Variants in HYAL4 observed in about 807,000 individuals in gnomAD.
The protein encoded by HYAL4 is hyaluronidase 4, also known as hyaluronidase-4.
In HYAL4, 37 loss-of-function variants were observed where a neutral mutation model predicts 35.2. The ratio of observed to expected loss-of-function variants is 1.05; its 90% CI spans 0.81 to 1.38. HYAL4 has a LOEUF of 1.38. HYAL4 is among the 40% of genes most tolerant of loss of function. The pLI is 0.00. For missense variants in HYAL4, 572 were observed against 572.4 expected (o/e 1.00, Z 0.01); for synonymous variants, 198 against 203.2 (o/e 0.97, Z 0.22).
intron 4 of HYAL4, chr7:123,876,165 T>C: frequency 4.9e-6 from 2 of 405,594 alleles, no homozygotes; most frequent in Non-Finnish European, 4.8e-6. Context: ...TAGGTTTTCA[T>C]GTGTTTGAAT....
At chr7:123,788,953 C>T in the HYAL4 span, among the ~76,000 whole-genome samples, 1 of 152,174 alleles carries the variant, frequency 6.6e-6, no homozygotes, top group Non-Finnish European at 1.5e-5. Context: ...TAAATATTCA[C>T]CACGAGACCA....
the HYAL4 span, among the ~76,000 whole-genome samples, chr7:123,808,036 A>G: frequency 1.3e-5 from 2 of 151,186 alleles, no homozygotes; most frequent in African/African-American, 2.4e-5. Flanking sequence ...CGGCCCCCCA[A>G]AGTGGTGTGA....
At chr7:123,806,450 CT>C in the HYAL4 span, among the ~76,000 whole-genome samples, 4 of 147,516 alleles carry the variant, frequency 2.7e-5, no homozygotes, top group South Asian at 2.2e-4. Flanking sequence ...TCTTGCTTTC[CT>C]TTTTTTTTTG....
At position 123,859,771 on chromosome 7, in the gene HYAL4, T is replaced by TAA. The variant is rs529925813; in HGVS notation, c.-51-8449_-51-8448dup. On this transcript the variant is annotated intron_variant, in intron 2 of 4. Coordinates refer to ENST00000223026, the MANE Select transcript of HYAL4 (RefSeq NM_012269.3). ...ATATATCCAAAGAACTTTGAGTTTTTAAAATCAGATTGATGGTTTTGAGTT... is the reference window on the plus strand; with the variant it reads ...ATATATCCAAAGAACTTTGAGTTTTTAAAAAATCAGATTGATGGTTTTGAGTT... Among the ~76,000 whole-genome samples the TAA allele has an allele frequency of 1.2e-4, 18 of 152,360 alleles. 1 individual carries two copies. The East Asian group carries it at 3.5e-3, about 29-fold the overall frequency.
the HYAL4 span, among the ~76,000 whole-genome samples, chr7:123,767,162 G>C: frequency 6.6e-6 from 1 of 152,000 alleles, no homozygotes; most frequent in South Asian, 2.1e-4. Flanking sequence ...TTAACTTTTA[G>C]GATTGGCTTA....
At chr7:123,768,247 AT>A in the HYAL4 span, among the ~76,000 whole-genome samples, 1 of 152,260 alleles carries the variant, frequency 6.6e-6, no homozygotes, top group Non-Finnish European at 1.5e-5. Flanking sequence ...AACATTTACA[AT>A]CAAATTGCCA....
At chr7:123,779,912 AT>A in the HYAL4 span, among the ~76,000 whole-genome samples, 1 of 152,196 alleles carries the variant, frequency 6.6e-6, no homozygotes, top group Non-Finnish European at 1.5e-5. Context: ...AATTAAAAAA[AT>A]AAACACATCA....
the HYAL4 span, among the ~76,000 whole-genome samples, chr7:123,771,908 G>C: frequency 2.7e-5 from 4 of 150,842 alleles, no homozygotes; most frequent in Non-Finnish European, 5.9e-5. Flanking sequence ...CATATAAACT[G>C]TTGCGGGTCT....
intron 3 of HYAL4, among the ~76,000 whole-genome samples, chr7:123,871,111 C>T (rs559756156): frequency 7.6e-4 from 115 of 151,940 alleles, no homozygotes; most frequent in African/African-American, 2.5e-3. Context: ...TCTTTTTTTC[C>T]GAGTGGCAAG....
At chr7:123,861,055 T>G (rs1339663274) in intron 2 of HYAL4, among the ~76,000 whole-genome samples, 2 of 152,156 alleles carry the variant, frequency 1.3e-5, no homozygotes, top group African/African-American at 4.8e-5. Flanking sequence ...CTCTCAAATG[T>G]TTGCCTTTCC....
At chr7:123,842,293 G>T (rs1281987305), upstream of HYAL4, among the ~76,000 whole-genome samples, 4 of 152,036 alleles carry the variant, frequency 2.6e-5, no homozygotes, top group African/African-American at 4.8e-5. Flanking sequence ...CAGTTTCCAT[G>T]TAGTAGTGCG....
the HYAL4 span, among the ~76,000 whole-genome samples, chr7:123,770,565 G>A: frequency 6.6e-6 from 1 of 152,208 alleles, no homozygotes; most frequent in East Asian, 1.9e-4. Context: ...TGAGTGGACA[G>A]TGTGAACAAA....
rs183536789 is a variant in HYAL4 at position 123,847,097 on chromosome 7, G to A, written c.-121-992G>A. 1.1e-4 allele frequency among the ~76,000 whole-genome samples: 17 copies of A among 152,262 alleles called. No homozygotes were observed. The East Asian group carries it at 2.5e-3, about 22-fold the overall frequency. ...TAGTTCTGGAGCAAAAGTTCACAAC[G>A]TGAGTCTCCATACATTGCTCTGTCT... On this transcript the variant is annotated intron_variant, in intron 1 of 4. Coordinates refer to ENST00000223026, the MANE Select transcript of HYAL4 (RefSeq NM_012269.3).
intron 1 of HYAL4, among the ~76,000 whole-genome samples, chr7:123,830,744 C>T (rs1376141684): frequency 6.6e-6 from 1 of 152,146 alleles, no homozygotes; most frequent in Non-Finnish European, 1.5e-5. Flanking sequence ...ACATTCTTTA[C>T]AAAGTCTTTT....
At chr7:123,826,795 G>A (rs373314192), upstream of HYAL4, among the ~76,000 whole-genome samples, 7 of 152,222 alleles carry the variant, frequency 4.6e-5, 1 homozygote, top group Admixed American at 1.3e-4. Context: ...AGCTAGTAGT[G>A]ATCTGAAACA....
At chr7:123,787,185 C>G in the HYAL4 span, among the ~76,000 whole-genome samples, 34 of 151,786 alleles carry the variant, frequency 2.2e-4, 1 homozygote, top group South Asian at 7.1e-3. Context: ...GTATCTCACT[C>G]TGAACTTCCT....
At chr7:123,789,076 G>A in the HYAL4 span, among the ~76,000 whole-genome samples, 1 of 152,176 alleles carries the variant, frequency 6.6e-6, no homozygotes, top group African/African-American at 2.4e-5. Context: ...ACCCATGAAG[G>A]TGTATTTATC....
At chr7:123,861,155 G>GGCCT (rs1806567900) in intron 2 of HYAL4, among the ~76,000 whole-genome samples, 1 of 152,072 alleles carries the variant, frequency 6.6e-6, no homozygotes, top group African/African-American at 2.4e-5. Flanking sequence ...CTGGTCCTCA[G>GGCCT]GCCTGAGGTT....
the HYAL4 span, among the ~76,000 whole-genome samples, chr7:123,777,354 G>A: frequency 6.6e-6 from 1 of 151,492 alleles, no homozygotes; most frequent in African/African-American, 2.4e-5. Flanking sequence ...ATAATGTCTT[G>A]GATATATTGG....
Sources: gnomAD v4.1 joint callset for allele counts (sites outside exome capture counted in the v4.1 genomes callset) on GRCh38, gnomAD v4.1.1 for gene constraint, MANE v1.5 for transcripts, NCBI Gene and HGNC (gene_info 2026-07-23, HGNC 2026-07-21) for gene names.